Variants in PTBP3 observed in about 807,000 individuals in gnomAD.
The protein encoded by PTBP3 is polypyrimidine tract-binding protein 3.
Under a neutral mutation model 58.7 loss-of-function variants are expected in PTBP3, and 20 were observed. The observed-to-expected ratio is 0.34, with a 90% CI of 0.24 to 0.50. The LOEUF (loss-of-function observed/expected upper bound fraction) is 0.50, where lower values mean the gene tolerates loss of function less well. PTBP3 is among the 20% of genes least tolerant of loss of function. PTBP3 has a pLI of 0.98. For missense variants in PTBP3, 509 were observed against 637.2 expected (o/e 0.80, Z 2.17); for synonymous variants, 185 against 219.8 (o/e 0.84, Z 1.40).
chr9:112,297,810 T>TAAAAAA, intron 2 of PTBP3, 22 bp downstream of exon 2: 1 of 1,169,352 alleles, frequency 8.6e-7, no homozygotes, highest in South Asian at 1.6e-5. Context: ...AATCAAATAT[T>TAAAAAA]AAAAAAAAAA....
chr9:112,231,081 T>C (rs939863942), intron 10 of PTBP3, among the ~76,000 whole-genome samples: 4 of 150,152 alleles, frequency 2.7e-5, no homozygotes, highest in African/African-American at 7.6e-5. Flanking sequence ...TGTGAAGACA[T>C]TGCCCTCCCT....
chr9:112,262,576 A>G lies in PTBP3; in HGVS notation c.375T>C (p.Ala125=), dbSNP rs1321500985. The change falls in exon 5 of 14, where the codon GCT becomes GCC. Residue 125 remains alanine, a synonymous_variant. Coordinates refer to ENST00000374257, the MANE Select transcript of PTBP3 (RefSeq NM_001163788.4). ...NQARAQAALQ[A]VSAVQSGSLA... ...GGCTTCCTGATTGGACGGCACTGAC[A>G]GCCTGCAGTGCAGCTTGGGCTCGCT... 1 of 1,606,826 alleles carries G rather than the reference A, an allele frequency of 6.2e-7. No homozygotes were observed. Among genetic ancestry groups the G allele is most frequent in the Non-Finnish European group, 8.5e-7 (1 of 1,177,270 alleles).
At chr9:112,249,972 T>C (rs1232520977) in intron 7 of PTBP3, among the ~76,000 whole-genome samples, 1 of 152,094 alleles carries the variant, frequency 6.6e-6, no homozygotes, top group Non-Finnish European at 1.5e-5. Flanking sequence ...AAAACAGACA[T>C]TTTATCAATA....
the PTBP3 span, among the ~76,000 whole-genome samples, chr9:112,376,197 ACGTGTGTGTGTGTGTGTGTGTGTG>A: frequency 2.7e-5 from 3 of 112,112 alleles, 1 homozygote; most frequent in South Asian, 5.9e-4. Flanking sequence ...TTCCTTATAT[ACGTGTGTGTGTGTGTGTGTGTGTG>A]TGTGTGTGTG....
intron 4 of PTBP3, among the ~76,000 whole-genome samples, chr9:112,265,746 AGAGT>A (rs1304098531): frequency 1.3e-5 from 2 of 152,326 alleles, no homozygotes; most frequent in South Asian, 2.1e-4. Context: ...CAGCAGGCAT[AGAGT>A]GTGTGTAGAA....
chr9:112,268,608 G>A (rs1257343576), intron 3 of PTBP3, among the ~76,000 whole-genome samples: 2 of 151,348 alleles, frequency 1.3e-5, no homozygotes, highest in African/African-American at 4.9e-5. Flanking sequence ...GGGTGAGGGA[G>A]GGGCTGAGTA....
At chr9:112,311,820 T>C (rs774955622) in intron 1 of PTBP3, among the ~76,000 whole-genome samples, 14 of 152,146 alleles carry the variant, frequency 9.2e-5, no homozygotes, top group Admixed American at 6.6e-4. Context: ...TGGTGACTTA[T>C]GCCTGTAGTC....
At chr9:112,345,396 AT>A in the PTBP3 span, among the ~76,000 whole-genome samples, 1 of 133,706 alleles carries the variant, frequency 7.5e-6, no homozygotes, top group South Asian at 2.6e-4. Context: ...TTTTTTTGAG[AT>A]CAGAGTCTTA....
intron 3 of PTBP3, among the ~76,000 whole-genome samples, chr9:112,273,274 G>C (rs568124975): frequency 2.2e-4 from 33 of 152,286 alleles, no homozygotes; most frequent in African/African-American, 7.9e-4. Context: ...AGGTAAAAAT[G>C]TCCGTGATGT....
the PTBP3 span, among the ~76,000 whole-genome samples, chr9:112,365,762 A>G: frequency 6.6e-6 from 1 of 152,124 alleles, no homozygotes; most frequent in South Asian, 2.1e-4. Flanking sequence ...CTCCCTAGAG[A>G]CTTGTTGAAT....
At chr9:112,249,962 A>C (rs1836040091) in intron 7 of PTBP3, among the ~76,000 whole-genome samples, 1 of 152,112 alleles carries the variant, frequency 6.6e-6, no homozygotes, top group Non-Finnish European at 1.5e-5. Context: ...CAAAGAACCC[A>C]AAACAGACAT....
intron 1 of PTBP3, among the ~76,000 whole-genome samples, chr9:112,302,579 CATCTTTTTTTTTTT>C (rs1797595088): frequency 1.1e-5 from 1 of 89,732 alleles, no homozygotes; most frequent in African/African-American, 4.4e-5. Flanking sequence ...CTATATTCTT[CATCTTTTTTTTTTT>C]TTTTTTTTTT....
chr9:112,318,865 C>T (rs555125032), intron 1 of PTBP3, among the ~76,000 whole-genome samples: 1 of 152,140 alleles, frequency 6.6e-6, no homozygotes, highest in African/African-American at 2.4e-5. Context: ...CAGTGGCTCA[C>T]GCCTGTAATC....
the PTBP3 span, among the ~76,000 whole-genome samples, chr9:112,352,025 C>T: frequency 6.6e-6 from 1 of 151,818 alleles, no homozygotes; most frequent in Admixed American, 6.6e-5. Flanking sequence ...TCAAGTGATC[C>T]TCTTGTCTCA....
chr9:112,325,292 T>G (rs1297083685), intron 1 of PTBP3, among the ~76,000 whole-genome samples: 3 of 151,982 alleles, frequency 2.0e-5, no homozygotes, highest in Admixed American at 2.0e-4. Flanking sequence ...GGGAAATAAA[T>G]CAACGTGGAG....
At chr9:112,286,396 T>C (rs1828116466) in intron 2 of PTBP3, among the ~76,000 whole-genome samples, 1 of 152,212 alleles carries the variant, frequency 6.6e-6, no homozygotes, top group Admixed American at 6.5e-5. Flanking sequence ...TTTCCCGGCT[T>C]CCTTTGGATT....
chr9:112,228,347 A>G, intron 11 of PTBP3, 33 bp downstream of exon 11: 1 of 1,474,846 alleles, frequency 6.8e-7, no homozygotes, highest in Non-Finnish European at 9.2e-7. Context: ...GGGCAAGTTC[A>G]CATTATTATT....
chr9:112,298,774 C>G (rs1828798444), intron 1 of PTBP3, among the ~76,000 whole-genome samples: 1 of 152,166 alleles, frequency 6.6e-6, no homozygotes, highest in South Asian at 2.1e-4. Context: ...TAGGGAACAA[C>G]TTTAGCCTTT....
At chr9:112,376,940 A>C in the PTBP3 span, among the ~76,000 whole-genome samples, 1 of 152,222 alleles carries the variant, frequency 6.6e-6, no homozygotes, top group East Asian at 1.9e-4. Flanking sequence ...CTATGAAATA[A>C]AAAGTTTTAT....
Sources: allele counts gnomAD v4.1 joint callset (sites outside exome capture counted in the v4.1 genomes callset), GRCh38; gene constraint gnomAD v4.1.1; transcripts MANE v1.5; gene names NCBI Gene and HGNC (gene_info 2026-07-23, HGNC 2026-07-21).